The following NRG1 variants were observed in gnomAD, a reference collection of about 807,000 sequenced individuals.
The protein encoded by NRG1 is neuregulin 1, also known as pro-neuregulin-1, membrane-bound isoform.
Under a neutral mutation model 63.8 loss-of-function variants are expected in NRG1, and 18 were observed. The observed-to-expected ratio is 0.28, with a 90% CI of 0.19 to 0.42. The LOEUF is 0.42. Among genes scored for constraint, NRG1 ranks in the 10% least tolerant of loss-of-function variants. NRG1 has a pLI of 1.00. For missense variants in NRG1, 762 were observed against 814.7 expected, an observed-to-expected ratio of 0.94 and a Z score of 0.79; for synonymous variants, 302 against 301.3, an observed-to-expected ratio of 1.00 and a Z score of -0.02.
intron 1 of NRG1, among the ~76,000 whole-genome samples, chr8:31,809,741 G>GTTTTTTTTTTTTTTTTTTTTTTTATTT (rs753730069): frequency 4.4e-5 from 3 of 68,018 alleles, no homozygotes; most frequent in African/African-American, 1.3e-4. Flanking sequence ...TCTATTAATT[G>GTTTTTTTTTTTTTTTTTTTTTTTATTT]TTTTTTTTTT....
At chr8:31,743,841 A>G (rs891256406) in intron 1 of NRG1, among the ~76,000 whole-genome samples, 2 of 151,998 alleles carry the variant, frequency 1.3e-5, no homozygotes, top group African/African-American at 4.8e-5. Flanking sequence ...ATGATTTCCA[A>G]CCTTCAAGCT....
intron 1 of NRG1, among the ~76,000 whole-genome samples, chr8:32,346,552 GAA>G (rs33990661): frequency 2.0e-3 from 293 of 147,482 alleles, no homozygotes; most frequent in Middle Eastern, 7.0e-3. Context: ...CATCTTTTGG[GAA>G]AAAAAAAAAA....
chr8:31,699,858 A>C (rs1157286328), intron 1 of NRG1, among the ~76,000 whole-genome samples: 1 of 152,180 alleles, frequency 6.6e-6, no homozygotes, highest in African/African-American at 2.4e-5. Flanking sequence ...GTGCTTCCCA[A>C]ATAAAAACTG....
chr8:32,071,930 A>G lies in NRG1; in HGVS notation c.37+432499A>G, dbSNP rs148772048. Among the ~76,000 whole-genome samples, 17 of 152,354 alleles carry G rather than the reference A, an allele frequency of 1.1e-4. No homozygotes were observed. In the East Asian group the frequency reaches 3.1e-3, roughly 28 times the overall value. On this transcript the variant is annotated intron_variant, in intron 1 of 10. Coordinates refer to the NRG1 transcript ENST00000519301. ...TTTAACTTTTAGAAAAACACAAGGC[A>G]GTTAGTAGACGAAGTGTATGAGGAC...
intron 1 of NRG1, among the ~76,000 whole-genome samples, chr8:31,934,470 G>A (rs1835135914): frequency 8.3e-6 from 1 of 121,034 alleles, no homozygotes; most frequent in African/African-American, 3.4e-5. Context: ...TTGTTACCCA[G>A]GCTAGAGTGC....
At chr8:32,125,430 C>T (rs1380561925) in intron 1 of NRG1, among the ~76,000 whole-genome samples, 1 of 151,868 alleles carries the variant, frequency 6.6e-6, no homozygotes, top group Admixed American at 6.6e-5. Flanking sequence ...AAATCTCAGT[C>T]TTTAGGAATC....
At chr8:32,535,814 T>C (rs1831908042) in intron 1 of NRG1, among the ~76,000 whole-genome samples, 1 of 152,126 alleles carries the variant, frequency 6.6e-6, no homozygotes, top group Non-Finnish European at 1.5e-5. Flanking sequence ...GAATGCACCT[T>C]GGAGATAGCC....
intron 5 of NRG1, among the ~76,000 whole-genome samples, chr8:32,620,479 C>G (rs890738151): frequency 6.7e-6 from 1 of 148,912 alleles, no homozygotes; most frequent in Admixed American, 6.8e-5. Context: ...TCACAGCCCC[C>G]AAAGTTCCCT....
intron 5 of NRG1, among the ~76,000 whole-genome samples, chr8:32,634,162 T>C (rs1184313698): frequency 6.9e-6 from 1 of 145,814 alleles, no homozygotes; most frequent in African/African-American, 2.6e-5. Flanking sequence ...AGAATGTCTG[T>C]GGAAAAACTT....
At chr8:32,508,357 C>T (rs1207967104) in intron 1 of NRG1, among the ~76,000 whole-genome samples, 7 of 151,548 alleles carry the variant, frequency 4.6e-5, no homozygotes, top group African/African-American at 1.5e-4. Context: ...GTGGTGCGAT[C>T]GCTGCTCACT....
At chr8:32,030,082 T>C (rs764566970) in intron 1 of NRG1, among the ~76,000 whole-genome samples, 9 of 152,346 alleles carry the variant, frequency 5.9e-5, no homozygotes, top group Non-Finnish European at 8.8e-5. Context: ...CAATCATCAT[T>C]ACTTATTATA....
intron 5 of NRG1, among the ~76,000 whole-genome samples, chr8:32,727,126 C>T (rs1297232699): frequency 6.6e-6 from 1 of 152,118 alleles, no homozygotes; most frequent in Non-Finnish European, 1.5e-5. Context: ...AGAGCTTTGG[C>T]TTTGTATAAT....
Position 31,643,715 on chromosome 8 carries a change from G to GT in NRG1, c.37+4286dup, listed in dbSNP as rs1804021440. 3.3e-5 allele frequency among the ~76,000 whole-genome samples: 5 copies of GT among 152,150 alleles called. No individual in the cohort carries two copies. The South Asian group carries it at 1.0e-3, about 32-fold the overall frequency. ...CCTAAGAAATATCCTTGGGTTTTAT[G>GT]TTCATTGGAATGCAGGATAATTTGC... is the stretch of plus-strand genomic sequence containing the variant. On this transcript the variant is annotated intron_variant, in intron 1 of 10. Coordinates refer to the NRG1 transcript ENST00000519301.
intron 1 of NRG1, among the ~76,000 whole-genome samples, chr8:31,744,187 A>G (rs1242502857): frequency 6.6e-6 from 1 of 151,926 alleles, no homozygotes; most frequent in Non-Finnish European, 1.5e-5. Context: ...TCCTAGATAT[A>G]AAGAATGTGC....
chr8:32,430,215 T>G (rs1037900157), intron 1 of NRG1, among the ~76,000 whole-genome samples: 27 of 152,170 alleles, frequency 1.8e-4, no homozygotes, highest in Admixed American at 1.1e-3. Context: ...CGAATTCTCT[T>G]TCAAGGGATG....
At chr8:32,346,296 T>A (rs1317356363) in intron 1 of NRG1, among the ~76,000 whole-genome samples, 3 of 149,996 alleles carry the variant, frequency 2.0e-5, no homozygotes, top group African/African-American at 7.3e-5. Context: ...ATATAAATTG[T>A]AGATACATAA....
intron 1 of NRG1, among the ~76,000 whole-genome samples, chr8:31,721,608 G>A (rs139595660): frequency 3.0e-4 from 45 of 152,130 alleles, no homozygotes; most frequent in African/African-American, 1.0e-3. Flanking sequence ...AAGAAACTAA[G>A]GCTATATCAT....
intron 3 of NRG1, among the ~76,000 whole-genome samples, chr8:32,610,652 A>C (rs559471002): frequency 6.6e-6 from 1 of 152,264 alleles, no homozygotes; most frequent in South Asian, 2.1e-4. Context: ...GCCAACCTAC[A>C]TTTTAGAAAT....
chr8:32,328,320 A>G (rs778359628), intron 1 of NRG1, among the ~76,000 whole-genome samples: 5 of 152,288 alleles, frequency 3.3e-5, no homozygotes, highest in Non-Finnish European at 5.9e-5. Context: ...TGGCTTCATG[A>G]ATCATTTGGG....
Sources: gnomAD v4.1 joint callset for allele counts (sites outside exome capture counted in the v4.1 genomes callset) on GRCh38, gnomAD v4.1.1 for gene constraint, MANE v1.5 for transcripts, NCBI Gene and HGNC (gene_info 2026-07-23, HGNC 2026-07-21) for gene names.